Variants in RPS6KC1 observed in about 807,000 individuals in gnomAD.
The protein encoded by RPS6KC1 is ribosomal protein S6 kinase C1.
In RPS6KC1, 54 loss-of-function variants were observed where a neutral mutation model predicts 103.8. That is an observed-to-expected ratio of 0.52 (90% CI 0.42 to 0.65). The LOEUF is 0.65. Ranked by LOEUF, RPS6KC1 falls within the 30% of genes least tolerant of loss-of-function variation. The probability of loss-of-function intolerance (pLI) is 0.00; values close to 1 mark genes in which losing one functional copy is unlikely to be tolerated. For missense variants in RPS6KC1, 1,151 were observed against 1,253.8 expected (o/e 0.92, Z 1.24); for synonymous variants, 439 against 438.7 (o/e 1.00, Z -0.01).
the RPS6KC1 span, among the ~76,000 whole-genome samples, chr1:213,358,418 C>A: frequency 5.3e-5 from 8 of 152,218 alleles, no homozygotes; most frequent in Non-Finnish European, 1.0e-4. Context: ...AGTTTATTTG[C>A]ATAGAGGTGT....
At chr1:213,115,532 G>GC (rs1414538893) in intron 4 of RPS6KC1, among the ~76,000 whole-genome samples, 1 of 152,042 alleles carries the variant, frequency 6.6e-6, no homozygotes, top group Non-Finnish European at 1.5e-5. Context: ...TTTTTGAAGG[G>GC]TTTTTTGTAT....
At chr1:213,711,955 T>C in the RPS6KC1 span, among the ~76,000 whole-genome samples, 1 of 152,180 alleles carries the variant, frequency 6.6e-6, no homozygotes, top group Non-Finnish European at 1.5e-5. Flanking sequence ...TGTTGACCCC[T>C]GATGGGAGGT....
chr1:213,409,373 G>C, the RPS6KC1 span, among the ~76,000 whole-genome samples: 5 of 152,220 alleles, frequency 3.3e-5, no homozygotes, highest in Admixed American at 2.0e-4. Flanking sequence ...ACTGAGGAAG[G>C]CCAGGTATGC....
At chr1:213,214,783 C>T (rs528552974) in intron 8 of RPS6KC1, among the ~76,000 whole-genome samples, 16 of 152,290 alleles carry the variant, frequency 1.1e-4, no homozygotes, top group South Asian at 6.2e-4. Context: ...AGTGGACCTC[C>T]GGCAAACTCC....
chr1:213,360,924 C>G, the RPS6KC1 span, among the ~76,000 whole-genome samples: 2 of 152,182 alleles, frequency 1.3e-5, no homozygotes, highest in Non-Finnish European at 2.9e-5. Context: ...TGGAGGTTTC[C>G]TCTCAGAGGG....
chr1:213,827,512 C>T, the RPS6KC1 span, among the ~76,000 whole-genome samples: 1 of 152,116 alleles, frequency 6.6e-6, no homozygotes, highest in South Asian at 2.1e-4. Flanking sequence ...GCCTGGCCCT[C>T]TGCTTTCTAG....
chr1:213,505,041 A>T, the RPS6KC1 span, among the ~76,000 whole-genome samples: 1 of 152,240 alleles, frequency 6.6e-6, no homozygotes, highest in Admixed American at 6.5e-5. Flanking sequence ...ACTGGAGTCT[A>T]TCAATGAAAG....
At chr1:213,484,307 A>G in the RPS6KC1 span, among the ~76,000 whole-genome samples, 1 of 152,174 alleles carries the variant, frequency 6.6e-6, no homozygotes, top group Admixed American at 6.5e-5. Context: ...CAAGGTTCCA[A>G]TCATGGTGTT....
chr1:213,368,894 A>G, the RPS6KC1 span, among the ~76,000 whole-genome samples: 2 of 152,240 alleles, frequency 1.3e-5, no homozygotes, highest in Non-Finnish European at 2.9e-5. Flanking sequence ...AAGATGAAGT[A>G]GGAGTTATTA....
At chr1:213,494,693 A>G in the RPS6KC1 span, among the ~76,000 whole-genome samples, 1 of 152,052 alleles carries the variant, frequency 6.6e-6, no homozygotes, top group South Asian at 2.1e-4. Flanking sequence ...GAGACCCAGA[A>G]CATTAGTAAT....
intron 4 of RPS6KC1, among the ~76,000 whole-genome samples, chr1:213,112,217 T>C (rs1369760327): frequency 6.6e-6 from 1 of 152,054 alleles, no homozygotes; most frequent in Non-Finnish European, 1.5e-5. Flanking sequence ...TGGTAGAAGG[T>C]AGAGGGGAAG....
At chr1:213,817,764 A>G in the RPS6KC1 span, 17 of 151,502 alleles carry the variant, frequency 1.1e-4, no homozygotes, top group African/African-American at 3.9e-4. Context: ...ATTTTATTAC[A>G]CTTTTCTTTA....
the RPS6KC1 span, among the ~76,000 whole-genome samples, chr1:213,362,173 A>T: frequency 6.6e-6 from 1 of 152,160 alleles, no homozygotes; most frequent in Non-Finnish European, 1.5e-5. Flanking sequence ...AGAGAAGAGG[A>T]TGGAGTTGGG....
the RPS6KC1 span, among the ~76,000 whole-genome samples, chr1:213,315,401 T>C: frequency 6.6e-6 from 1 of 152,214 alleles, no homozygotes. Flanking sequence ...ACACATTATA[T>C]CATAAAGCCA....
chr1:213,585,632 C>T, the RPS6KC1 span, among the ~76,000 whole-genome samples: 2 of 152,192 alleles, frequency 1.3e-5, no homozygotes. Context: ...TTTCCCAGCT[C>T]TGCCTCAATC....
At chr1:213,354,403 A>G in the RPS6KC1 span, among the ~76,000 whole-genome samples, 1 of 152,124 alleles carries the variant, frequency 6.6e-6, no homozygotes, top group Admixed American at 6.5e-5. Flanking sequence ...ACAACTGCTC[A>G]CCTGCCCTGA....
chr1:213,696,782 C>G, the RPS6KC1 span, among the ~76,000 whole-genome samples: 1 of 152,172 alleles, frequency 6.6e-6, no homozygotes, highest in Non-Finnish European at 1.5e-5. Flanking sequence ...CAATGCAACA[C>G]AGCACCTCTA....
At chr1:213,377,958 A>G in the RPS6KC1 span, among the ~76,000 whole-genome samples, 2 of 152,220 alleles carry the variant, frequency 1.3e-5, no homozygotes, top group Non-Finnish European at 2.9e-5. Context: ...TTGACACGAT[A>G]TAGGGAAGAA....
chr1:213,685,963 T>C, the RPS6KC1 span, among the ~76,000 whole-genome samples: 1 of 152,176 alleles, frequency 6.6e-6, no homozygotes, highest in East Asian at 1.9e-4. Flanking sequence ...GTGTGCAAAT[T>C]TGTGCCTAGA....
Sources: allele counts gnomAD v4.1 joint callset (sites outside exome capture counted in the v4.1 genomes callset), GRCh38; gene constraint gnomAD v4.1.1; transcripts MANE v1.5; gene names NCBI Gene and HGNC (gene_info 2026-07-23, HGNC 2026-07-21).